The following DAB2IP variants were observed in gnomAD, a reference collection of about 807,000 sequenced individuals.
DAB2IP encodes the protein DAB2 interacting protein.
Under a neutral mutation model 107.2 loss-of-function variants are expected in DAB2IP, and 28 were observed. The observed-to-expected ratio is 0.26, with a 90% CI of 0.19 to 0.36. The LOEUF (loss-of-function observed/expected upper bound fraction) is 0.36, where lower values mean the gene tolerates loss of function less well. Ranked by LOEUF, DAB2IP falls within the 10% of genes least tolerant of loss-of-function variation. The probability of loss-of-function intolerance (pLI) is 1.00; values close to 1 mark genes in which losing one functional copy is unlikely to be tolerated. For synonymous variants in DAB2IP, 755 were observed against 706.4 expected, an observed-to-expected ratio of 1.07 and a Z score of -1.09; for missense variants, 1,400 against 1,644.7, an observed-to-expected ratio of 0.85 and a Z score of 2.57.
intron 2 of DAB2IP, among the ~76,000 whole-genome samples, chr9:121,679,567 C>T (rs780375911): frequency 7.9e-5 from 12 of 152,046 alleles, no homozygotes; most frequent in Non-Finnish European, 1.8e-4. Context: ...TTCCTTTCTC[C>T]ACGGAGCTCA....
intron 1 of DAB2IP, among the ~76,000 whole-genome samples, chr9:121,586,388 C>T (rs1431825448): frequency 1.3e-5 from 2 of 152,148 alleles, no homozygotes; most frequent in South Asian, 2.1e-4. Flanking sequence ...TATAAGAAAT[C>T]ATCCTTTGTG....
rs1048617738 is a variant in DAB2IP at position 121,782,717 on chromosome 9, G to A, written c.*219G>A. On this transcript the variant is annotated 3_prime_UTR_variant, in exon 16 of 16. Coordinates refer to ENST00000408936, the Ensembl canonical transcript of DAB2IP. The surrounding 1 kb of genome is among the most constrained non-coding windows in gnomAD (Gnocchi z 6.1). ...TCACCAGCCGCTCCCTGTGGGGTGC[G>A]GGCAGAAGAGACTGCACGCTGGGGA... The A allele has an allele frequency of 7.1e-6, 10 of 1,407,348 alleles. No homozygotes were observed. Among genetic ancestry groups the A allele is most frequent in the Admixed American group, 5.9e-5 (2 of 34,026 alleles). The allele number at this position is 1,407,348 out of a possible 1,614,324, so 87.2% of individuals were successfully genotyped here. A position where few individuals can be genotyped will look rare whatever the true frequency, so the allele number is the denominator to read the frequency against.
chr9:121,688,159 C>T (rs77707909), intron 2 of DAB2IP, among the ~76,000 whole-genome samples: 2,683 of 152,280 alleles, frequency 0.018, 73 homozygotes, highest in African/African-American at 0.061. Context: ...GGGCAAGGCT[C>T]AGACGCCTTC....
At chr9:121,657,291 G>T (rs1454759405) in intron 1 of DAB2IP, among the ~76,000 whole-genome samples, 1 of 152,232 alleles carries the variant, frequency 6.6e-6, no homozygotes. Context: ...AATCCCCAGA[G>T]CTCTCTAGGT....
At chr9:121,606,414 C>G (rs959964593) in intron 1 of DAB2IP, among the ~76,000 whole-genome samples, 4 of 152,096 alleles carry the variant, frequency 2.6e-5, no homozygotes, top group Non-Finnish European at 1.5e-5. Context: ...ATTTATATCA[C>G]ACTTTCTGGT....
At chr9:121,582,460 C>T (rs577677093) in intron 1 of DAB2IP, among the ~76,000 whole-genome samples, 7 of 152,108 alleles carry the variant, frequency 4.6e-5, no homozygotes, top group Non-Finnish European at 1.0e-4. Flanking sequence ...TCACTGTCTC[C>T]TCACTCCCAA....
intron 13 of DAB2IP, among the ~76,000 whole-genome samples, chr9:121,775,340 C>A (rs538085695): frequency 6.6e-6 from 1 of 152,328 alleles, no homozygotes; most frequent in African/African-American, 2.4e-5. Flanking sequence ...ATCCTGCCAC[C>A]GCCACCATCC....
In DAB2IP at chr9:121,760,346, G is replaced by A. The variant is rs752169802; in HGVS notation, c.1077G>A (p.Leu359=). The A allele has an allele frequency of 3.7e-6, 6 of 1,613,076 alleles. No individual in the cohort carries two copies. In the South Asian group the frequency reaches 5.5e-5, roughly 15 times the overall value. ...ACATCACCAACCACTACCTGGGGCTGTGTGCAGCCCTCGAGCCCATCCTCA... is the reference window on the plus strand; with the variant it reads ...ACATCACCAACCACTACCTGGGGCTATGTGCAGCCCTCGAGCCCATCCTCA... The change falls in exon 6 of 16, where the codon CTG becomes CTA. Residue 359 remains leucine, a synonymous_variant. Coordinates refer to ENST00000408936, the Ensembl canonical transcript of DAB2IP. The surrounding 1 kb of genome is among the most constrained non-coding windows in gnomAD (Gnocchi z 5.9).
At chr9:121,664,055 T>C (rs1394837664) in intron 1 of DAB2IP, among the ~76,000 whole-genome samples, 1 of 152,266 alleles carries the variant, frequency 6.6e-6, no homozygotes, top group African/African-American at 2.4e-5. Context: ...TTATCTCTCT[T>C]AGATCTGTTT....
At chr9:121,768,062 C>T (rs1834412971) in intron 9 of DAB2IP, among the ~76,000 whole-genome samples, 1 of 152,056 alleles carries the variant, frequency 6.6e-6, no homozygotes, top group Admixed American at 6.6e-5. Context: ...GGGGTGGTGC[C>T]TGCAGATATA....
intron 1 of DAB2IP, among the ~76,000 whole-genome samples, chr9:121,568,786 C>G (rs1479621197): frequency 6.6e-6 from 1 of 152,196 alleles, no homozygotes; most frequent in Non-Finnish European, 1.5e-5. Context: ...GGACCAGCCC[C>G]AGCCAGGGAT....
intron 4 of DAB2IP, among the ~76,000 whole-genome samples, chr9:121,757,453 G>T (rs1202742054): frequency 6.6e-6 from 1 of 152,198 alleles, no homozygotes; most frequent in African/African-American, 2.4e-5. Context: ...GTGAGTAGGG[G>T]AAAAGCCTGA....
At chr9:121,648,178 G>A (rs745320714), upstream of DAB2IP, among the ~76,000 whole-genome samples, 27 of 152,118 alleles carry the variant, frequency 1.8e-4, no homozygotes, top group Non-Finnish European at 3.7e-4. Context: ...CGGGATATGG[G>A]TGCACCAAAA....
In DAB2IP at chr9:121,633,738, T is replaced by C. The variant is rs1831978914; in HGVS notation, c.41-44940T>C. Among the ~76,000 whole-genome samples the C allele has an allele frequency of 6.6e-6, 1 of 152,166 alleles. No homozygotes were observed. Among genetic ancestry groups the C allele is most frequent in the African/African-American group, 2.4e-5 (1 of 41,440 alleles). ...GGATGTGCCTCATTCTGGACCGTTG[T>C]GGGAGATTTAAGGCTCAGCTAAGGG... On this transcript the variant is annotated intron_variant, in intron 1 of 16. Coordinates refer to the DAB2IP transcript ENST00000259371. This position sits in a 1 kb window ranked among gnomAD's most constrained non-coding sequence, Gnocchi z 5.1.
chr9:121,760,217 C>G lies in DAB2IP; in HGVS notation c.948C>G (p.Pro316=). Reference sequence around the variant, plus strand: ...AGAAGTGGTACCCGGTGGTGACGCCCAACCCCAAGGGCGGCAAGGGCCCTG... The same window carrying G: ...AGAAGTGGTACCCGGTGGTGACGCCGAACCCCAAGGGCGGCAAGGGCCCTG... The change falls in exon 6 of 16, where the codon CCC becomes CCG. Residue 316 remains proline, a synonymous_variant. Transcript: ENST00000408936. The surrounding 1 kb of genome is among the most constrained non-coding windows in gnomAD (Gnocchi z 5.9). 1.2e-6 allele frequency: 2 copies of G among 1,613,770 alleles called. No homozygotes were observed. The highest frequency in any genetic ancestry group is 8.5e-7 in the Non-Finnish European group (1 of 1,180,032).
At chr9:121,656,157 C>T (rs533854714) in intron 1 of DAB2IP, among the ~76,000 whole-genome samples, 1 of 152,224 alleles carries the variant, frequency 6.6e-6, no homozygotes, top group African/African-American at 2.4e-5. Flanking sequence ...TACAGGCATG[C>T]ACCACCACAC....
chr9:121,671,468 C>T (rs1441574520), intron 1 of DAB2IP, among the ~76,000 whole-genome samples: 2 of 152,224 alleles, frequency 1.3e-5, no homozygotes, highest in East Asian at 3.8e-4. Context: ...GCAACATATT[C>T]ACAGGTTCTG....
intron 1 of DAB2IP, among the ~76,000 whole-genome samples, chr9:121,615,545 G>A (rs1324978213): frequency 1.3e-5 from 2 of 152,106 alleles, no homozygotes; most frequent in Non-Finnish European, 2.9e-5. Flanking sequence ...TCAATTGGCA[G>A]GTCCTTTATA....
At position 121,768,425 on chromosome 9, in the gene DAB2IP, T is replaced by C. The variant is rs768786870; in HGVS notation, c.1698-7T>C. ...CAGTAGTGCTCACCCAACTGCCCTCTCTCCAGATTTGGCAGCAAGGAGGAA... is the reference window on the plus strand; with the variant it reads ...CAGTAGTGCTCACCCAACTGCCCTCCCTCCAGATTTGGCAGCAAGGAGGAA... On this transcript the variant is annotated splice_polypyrimidine_tract_variant and splice_region_variant and intron_variant, in intron 9 of 15. Transcript: ENST00000408936. The C allele has an allele frequency of 1.4e-5, 23 of 1,613,990 alleles. No individual in the cohort carries two copies. Among genetic ancestry groups the C allele is most frequent in the Non-Finnish European group, 1.8e-5 (21 of 1,179,998 alleles).
Sources: allele counts gnomAD v4.1 joint callset (sites outside exome capture counted in the v4.1 genomes callset), GRCh38; gene constraint gnomAD v4.1.1; non-coding constraint Gnocchi (gnomAD v3.1); transcripts MANE v1.5; gene names NCBI Gene and HGNC (gene_info 2026-07-23, HGNC 2026-07-21).